SMYD4: variants seen among roughly 807,000 people sequenced by gnomAD.
The protein encoded by SMYD4 is protein-lysine N-methyltransferase SMYD4.
Under a neutral mutation model 72.8 loss-of-function variants are expected in SMYD4, and 68 were observed. The ratio of observed to expected loss-of-function variants is 0.93; its 90% CI spans 0.77 to 1.14. The LOEUF (loss-of-function observed/expected upper bound fraction) is 1.14, where lower values mean the gene tolerates loss of function less well. Ranked by LOEUF, SMYD4 falls within the 50% of genes most tolerant of loss-of-function variation. SMYD4 has a pLI of 0.00. For synonymous variants in SMYD4, 407 were observed against 388.6 expected (o/e 1.05, Z -0.56); for missense variants, 984 against 1,003.7 (o/e 0.98, Z 0.27).
At chr17:1,813,571 C>T (rs114557497) in intron 2 of SMYD4, among the ~76,000 whole-genome samples, 1,620 of 152,020 alleles carry the variant, frequency 0.011, 27 homozygotes, top group African/African-American at 0.035. Context: ...TGAGCCACCA[C>T]GCCCAGCTAA....
At chr17:1,820,216 A>G (rs1302778004) in intron 2 of SMYD4, among the ~76,000 whole-genome samples, 1 of 152,024 alleles carries the variant, frequency 6.6e-6, no homozygotes. Flanking sequence ...GGCCAGTGAC[A>G]ACCTCTTCAG....
intron 7 of SMYD4, among the ~76,000 whole-genome samples, chr17:1,785,658 G>A (rs1908643879): frequency 6.6e-6 from 1 of 151,636 alleles, no homozygotes; most frequent in Non-Finnish European, 1.5e-5. Context: ...TACTGGGGAG[G>A]CTGAGGCAGG....
At chr17:1,808,323 G>C (rs1910149262) in intron 3 of SMYD4, among the ~76,000 whole-genome samples, 1 of 152,130 alleles carries the variant, frequency 6.6e-6, no homozygotes, top group South Asian at 2.1e-4. Flanking sequence ...TTAATAACAT[G>C]AGAAAATGGG....
At chr17:1,820,428 C>G (rs919389106) in intron 2 of SMYD4, among the ~76,000 whole-genome samples, 1 of 151,722 alleles carries the variant, frequency 6.6e-6, no homozygotes, top group Non-Finnish European at 1.5e-5. Flanking sequence ...TTTGTGGAGA[C>G]ACAGTCTCAC....
intron 3 of SMYD4, among the ~76,000 whole-genome samples, chr17:1,806,148 A>T (rs1442031541): frequency 6.6e-6 from 1 of 151,982 alleles, no homozygotes; most frequent in Non-Finnish European, 1.5e-5. Context: ...GATGGTCTCG[A>T]TCTCGTGACC....
chr17:1,800,992 T>A lies in SMYD4; in HGVS notation c.402A>T (p.Thr134=). The A allele has an allele frequency of 6.2e-7, 1 of 1,613,540 alleles. No homozygotes were observed. Residue 134 remains threonine, a synonymous_variant, in exon 5 of 11, where the codon ACA becomes ACT. Transcript: ENST00000305513. The part of the protein sequence containing the change: ...TCLKDINRAQ[T]HGYPERLQPK... ...GTTGCAACCTTTCTGGATACCCATG[T>A]GTCTGTGCTCTGTTAATGTCTTTAA... is the stretch of plus-strand genomic sequence containing the variant.
chr17:1,792,110 G>A (rs1909073250), intron 5 of SMYD4, among the ~76,000 whole-genome samples: 1 of 151,538 alleles, frequency 6.6e-6, no homozygotes. Flanking sequence ...GGGCGCGATC[G>A]CGGCTCAGTG....
intron 2 of SMYD4, 61 bp downstream of exon 2, chr17:1,827,800 A>T (rs933568834): frequency 1.2e-5 from 18 of 1,562,102 alleles, no homozygotes; most frequent in Non-Finnish European, 1.7e-6. Context: ...ACTTCAGAGC[A>T]AATGACAAAA....
intron 4 of SMYD4, among the ~76,000 whole-genome samples, chr17:1,801,865 A>C (rs908229371): frequency 9.9e-5 from 15 of 151,834 alleles, no homozygotes; most frequent in Non-Finnish European, 1.6e-4. Flanking sequence ...AGTCCCAGCT[A>C]CTCAGCAGGC....
chr17:1,811,924 C>T, intron 3 of SMYD4, 47 bp downstream of exon 3: 1 of 1,598,452 alleles, frequency 6.3e-7, no homozygotes, highest in Non-Finnish European at 8.5e-7. Flanking sequence ...AAGATTCTGT[C>T]TCAGAGAAAA....
chr17:1,812,231 G>T (rs2151245759), intron 2 of SMYD4, 116 bp from the exon 3 acceptor site: 4 of 1,158,330 alleles, frequency 3.5e-6, no homozygotes, highest in Non-Finnish European at 4.9e-6. Flanking sequence ...CACACATGAG[G>T]ATATGTACAT....
chr17:1,787,524 G>A lies in SMYD4; in HGVS notation c.1618C>T (p.His540Tyr), dbSNP rs1908765680. 6.3e-7 allele frequency: 1 copy of A among 1,591,648 alleles called. No homozygotes were observed. Among genetic ancestry groups the A allele is most frequent in the Non-Finnish European group, 8.6e-7 (1 of 1,169,284 alleles). The change falls in exon 6 of 11, where the codon CAC (histidine) becomes TAC (tyrosine). Residue 540 changes from histidine (H) to tyrosine (Y), a missense_variant. By Grantham distance (83) the His-to-Tyr change is moderately conservative (BLOSUM62 2). Coordinates refer to ENST00000305513, the MANE Select transcript of SMYD4 (RefSeq NM_052928.3). ...GIFPVISLLNHSCSPNTSVSF... is the reference protein window; with the variant it reads ...GIFPVISLLNYSCSPNTSVSF... ...ACGCTGGTGTTGGGGCTACAGGAGTGGTTCAGGAGGCTGATAACAGGGAAG... is the reference window on the plus strand; with the variant it reads ...ACGCTGGTGTTGGGGCTACAGGAGTAGTTCAGGAGGCTGATAACAGGGAAG...
rs536819981 is a variant in SMYD4, at chr17:1,812,097, A to C, written c.153T>G (p.Phe51Leu). 13 of 1,614,086 alleles carry C rather than the reference A, an allele frequency of 8.1e-6. No individual in the cohort carries two copies. The South Asian group carries it at 1.4e-4, about 18-fold the overall frequency. Residue 51 changes from phenylalanine (F) to leucine (L), a missense_variant, in exon 3 of 11, where the codon TTT becomes TTG. Physicochemically the swap from Phe to Leu is conservative, Grantham distance 22 (BLOSUM62 0). Transcript: ENST00000305513. ...AGTAACCTTTAGAAAGTCTTTTTAGAAACAGCTCATCCTCAGGTCTGCATG... is the reference window on the plus strand; with the variant it reads ...AGTAACCTTTAGAAAGTCTTTTTAGCAACAGCTCATCCTCAGGTCTGCATG... ...SSLLQPEDEL[F>L]LKRLSKGYLV...
chr17:1,818,722 C>T (rs183863319), intron 2 of SMYD4, among the ~76,000 whole-genome samples: 20 of 151,986 alleles, frequency 1.3e-4, no homozygotes, highest in African/African-American at 2.7e-4. Flanking sequence ...TGCAGTGGTA[C>T]GACCTCTGCT....
chr17:1,823,139 G>A (rs968465553), intron 2 of SMYD4, among the ~76,000 whole-genome samples: 3 of 151,520 alleles, frequency 2.0e-5, no homozygotes, highest in African/African-American at 7.3e-5. Context: ...GGGAGGCTGA[G>A]GCGGGTGGAT....
chr17:1,783,187 A>G (rs1908463400), intron 9 of SMYD4, 29 bp from the exon 10 acceptor site: 6 of 1,613,796 alleles, frequency 3.7e-6, no homozygotes, highest in African/African-American at 1.3e-5. Context: ...CTTGTTCCAG[A>G]AAAGAACCAC....
intron 5 of SMYD4, among the ~76,000 whole-genome samples, chr17:1,798,768 C>T (rs1027884304): frequency 4.0e-5 from 6 of 151,880 alleles, no homozygotes; most frequent in Non-Finnish European, 8.8e-5. Flanking sequence ...GGCATGGTGG[C>T]GCATGCTTGT....
intron 2 of SMYD4, among the ~76,000 whole-genome samples, chr17:1,826,933 T>A (rs1190713078): frequency 6.6e-6 from 1 of 151,908 alleles, no homozygotes; most frequent in Non-Finnish European, 1.5e-5. Context: ...GGCGGATCAT[T>A]TGAGGGCAGG....
At chr17:1,817,472 G>T (rs189894009) in intron 2 of SMYD4, among the ~76,000 whole-genome samples, 9 of 152,144 alleles carry the variant, frequency 5.9e-5, no homozygotes, top group Admixed American at 5.9e-4. Flanking sequence ...TTCCTGAGTA[G>T]CTGGGGCTCC....
Sources: gnomAD v4.1 joint callset for allele counts (sites outside exome capture counted in the v4.1 genomes callset) on GRCh38, gnomAD v4.1.1 for gene constraint, MANE v1.5 for transcripts, NCBI Gene and HGNC (gene_info 2026-07-23, HGNC 2026-07-21) for gene names.